Variants in GPRC5B observed in about 807,000 individuals in gnomAD.
The protein encoded by GPRC5B is G protein-coupled receptor class C group 5 member B.
In GPRC5B, 16 loss-of-function variants were observed where a neutral mutation model predicts 30.1. The observed-to-expected ratio is 0.53, with a 90% confidence interval of 0.36 to 0.81. The LOEUF (loss-of-function observed/expected upper bound fraction) is 0.81. Among genes scored for constraint, GPRC5B ranks in the 30% least tolerant of loss-of-function variants. The pLI, the probability that GPRC5B is intolerant of heterozygous loss-of-function variation, is 0.01. For missense variants in GPRC5B, 428 were observed against 544.7 expected (o/e 0.79, Z 2.13); for synonymous variants, 241 against 239.5 (o/e 1.01, Z -0.06).
chr16:19,872,791 G>A lies in GPRC5B; in HGVS notation c.55C>T (p.Leu19=). 2 of 1,613,874 alleles carry A rather than the reference G, an allele frequency of 1.2e-6. No individual in the cohort carries two copies. The highest frequency in any genetic ancestry group is 1.7e-6 in the Non-Finnish European group (2 of 1,179,948). Residue 19 remains leucine (L), a synonymous_variant, in exon 2 of 4, where the codon CTG becomes TTG. Coordinates refer to ENST00000300571, the MANE Select transcript of GPRC5B (RefSeq NM_016235.3). This position sits in a 1 kb window ranked among gnomAD's most constrained non-coding sequence, Gnocchi z 5.0. ...GCCACCGAGGTGATCACGAAGAGCA[G>A]GAGGAAGGTGAGCACCTGGTGAGCT... The part of the protein sequence containing the change: ...MRAHQVLTFL[L]LFVITSVASE...
At chr16:19,883,426 G>A (rs1431023473) in intron 1 of GPRC5B, among the ~76,000 whole-genome samples, 2 of 152,198 alleles carry the variant, frequency 1.3e-5, no homozygotes. Context: ...ATGCCAATTT[G>A]CATTCTATTT....
At chr16:19,867,806 CT>C (rs35848601) in intron 2 of GPRC5B, among the ~76,000 whole-genome samples, 35,818 of 152,110 alleles carry the variant, frequency 0.24, 4,293 homozygotes, top group East Asian at 0.32. Context: ...AATCCCAGCA[CT>C]TTGGGAGGCT....
intron 3 of GPRC5B, among the ~76,000 whole-genome samples, 160 bp downstream of exon 3, chr16:19,861,677 G>A (rs952484204): frequency 6.6e-6 from 1 of 152,214 alleles, no homozygotes; most frequent in African/African-American, 2.4e-5. Flanking sequence ...GGGGTAGAAA[G>A]GGAAAGAAGA....
At position 19,884,838 on chromosome 16, in the gene GPRC5B, T is replaced by TTCACTGCAGCGCCTGCCAGAG. The variant is rs1371145185; in HGVS notation, c.-114_-113insCTCTGGCAGGCGCTGCAGTGA. On this transcript the variant is annotated 5_prime_UTR_variant, in exon 1 of 4. Transcript: ENST00000300571. ...ACGCACGCCCGCCTGCGGGTCCAGC[T>TTCACTGCAGCGCCTGCCAGAG]TCACTGCAGCGCCTGCCAGAGTCGC... is the stretch of plus-strand genomic sequence containing the variant. 36 of 983,150 alleles carry TTCACTGCAGCGCCTGCCAGAG rather than the reference T, an allele frequency of 3.7e-5. No homozygotes were observed. The highest frequency in any genetic ancestry group is 6.2e-5 in the Admixed American group (1 of 16,030). 60.9% of individuals were successfully genotyped at this position (983,150 alleles called of 1,614,324 possible). A position where few individuals can be genotyped will look rare whatever the true frequency, so the allele number is the denominator to read the frequency against.
chr16:19,862,269 C>T lies in GPRC5B; in HGVS notation c.1031-296G>A, dbSNP rs111457555. Reference sequence around the variant, plus strand: ...CAAGCCACGCAGCCTCTGCAGGCCGCGGGTGACAGGCGCCTTCTCACTACA... The same window carrying T: ...CAAGCCACGCAGCCTCTGCAGGCCGTGGGTGACAGGCGCCTTCTCACTACA... On this transcript the variant is annotated intron_variant, in intron 2 of 3. Coordinates refer to ENST00000300571, the MANE Select transcript of GPRC5B (RefSeq NM_016235.3). The T allele has an allele frequency of 5.3e-5, 19 of 358,698 alleles. 1 individual carries two copies. Among genetic ancestry groups the T allele is most frequent in the Middle Eastern group, 8.1e-4 (1 of 1,232 alleles). 22.2% of individuals were successfully genotyped at this position (358,698 alleles called of 1,614,324 possible).
In GPRC5B at chr16:19,857,830, C is replaced by G. The variant is rs2056581928; in HGVS notation, c.*2670G>C. On this transcript the variant is annotated 3_prime_UTR_variant, in exon 4 of 4. Coordinates refer to ENST00000300571, the MANE Select transcript of GPRC5B (RefSeq NM_016235.3). Reference sequence around the variant, plus strand: ...CTGGAATCCCTGGAGATGCACAGAACTTCCCAGTTTGTAAGCTGTCAGAGC... The same window carrying G: ...CTGGAATCCCTGGAGATGCACAGAAGTTCCCAGTTTGTAAGCTGTCAGAGC... 6.5e-6 allele frequency: 1 copy of G among 153,486 alleles called. No homozygotes were observed. Among genetic ancestry groups the G allele is most frequent in the Admixed American group, 6.6e-5 (1 of 15,238 alleles). The allele number at this position is 153,486 out of a possible 1,614,324, so 9.5% of individuals were successfully genotyped here.
chr16:19,884,425 C>T (rs1467058623), intron 1 of GPRC5B, among the ~76,000 whole-genome samples: 2 of 151,418 alleles, frequency 1.3e-5, no homozygotes, highest in African/African-American at 4.9e-5. Context: ...CCTGTGGTCG[C>T]CCCCACACCC....
Position 19,858,619 on chromosome 16 carries a change from C to A in GPRC5B, c.*1881G>T. ...AGGTGTTTGAAGATTTCTTTCTTTT[C>A]AGAATACCGGGTCCGCATGCAACCG... On this transcript the variant is annotated 3_prime_UTR_variant, in exon 4 of 4. Coordinates refer to ENST00000300571, the MANE Select transcript of GPRC5B (RefSeq NM_016235.3). 1.7e-6 allele frequency: 1 copy of A among 580,388 alleles called. No individual in the cohort carries two copies. The highest frequency in any genetic ancestry group is 2.1e-5 in the South Asian group (1 of 47,164). 36.0% of individuals were successfully genotyped at this position (580,388 alleles called of 1,614,324 possible). A position where few individuals can be genotyped will look rare whatever the true frequency, so the allele number is the denominator to read the frequency against.
At chr16:19,882,171 T>TC (rs1181514754) in intron 1 of GPRC5B, 4 of 152,280 alleles carry the variant, frequency 2.6e-5, no homozygotes, top group Non-Finnish European at 4.4e-5. Flanking sequence ...CTCATCATCT[T>TC]CATTTCCCAA....
At chr16:19,885,037 C>G (rs781518435), upstream of GPRC5B, 19 of 627,508 alleles carry the variant, frequency 3.0e-5, no homozygotes, top group Non-Finnish European at 3.9e-5. The surrounding 1 kb of genome is among the most constrained non-coding windows in gnomAD (Gnocchi z 5.3). Flanking sequence ...AGCCCAAGCT[C>G]GTAGCTTCTA....
At chr16:19,861,087 TAAAAAAAA>T (rs3067833) in intron 3 of GPRC5B, among the ~76,000 whole-genome samples, 9 of 93,404 alleles carry the variant, frequency 9.6e-5, no homozygotes, top group Non-Finnish European at 1.4e-4. Context: ...CTGATTTACA[TAAAAAAAA>T]AAAAAAAAAG....
chr16:19,858,933 G>A lies in GPRC5B; in HGVS notation c.*1567C>T. 1 of 184,916 alleles carries A rather than the reference G, an allele frequency of 5.4e-6. No homozygotes were observed. 11.5% of individuals were successfully genotyped at this position (184,916 alleles called of 1,614,324 possible). ...CCTTACTTTCCCCAGTGCTTTGCAA[G>A]GATGGGGTGGGGAGGGGAGACAGCA... On this transcript the variant is annotated 3_prime_UTR_variant, in exon 4 of 4. Transcript: ENST00000300571.
rs1012568837 is a variant in GPRC5B, at chr16:19,872,445, G to A, written c.401C>T (p.Ala134Val). 2.1e-5 allele frequency: 34 copies of A among 1,613,954 alleles called. No homozygotes were observed. The highest frequency in any genetic ancestry group is 5.0e-5 in the Admixed American group (3 of 60,006). ...GCTCAGCAGGCAGGAGAAGCAGAGC[G>A]CAAAGAGGACGCCCCAGAGGAAGCG... is the stretch of plus-strand genomic sequence containing the variant. Reference protein sequence around the residue: ...VRRFLWGVLFALCFSCLLSQA... With the variant: ...VRRFLWGVLFVLCFSCLLSQA... The change falls in exon 2 of 4, where the codon GCG becomes GTG. Residue 134 changes from alanine (A) to valine (V), a missense_variant. Physicochemically the swap from Ala to Val is moderately conservative, Grantham distance 64. Transcript: ENST00000300571. The surrounding 1 kb of genome is among the most constrained non-coding windows in gnomAD (Gnocchi z 5.0).
At chr16:19,881,092 A>T (rs1463619728) in intron 1 of GPRC5B, 1 of 152,224 alleles carries the variant, frequency 6.6e-6, no homozygotes, top group African/African-American at 2.4e-5. Flanking sequence ...TACCCACATG[A>T]ATACGGGTAC....
Position 19,860,355 on chromosome 16 carries a change from G to A in GPRC5B, c.*145C>T, listed in dbSNP as rs1186062072. 1.1e-5 allele frequency: 7 copies of A among 622,238 alleles called. No homozygotes were observed. The highest frequency in any genetic ancestry group is 3.7e-5 in the African/African-American group (2 of 54,332). 38.5% of individuals were successfully genotyped at this position (622,238 alleles called of 1,614,324 possible). On this transcript the variant is annotated 3_prime_UTR_variant, in exon 4 of 4. Transcript: ENST00000300571. ...AGTTCGTCAGTGTTCACATTTACAC[G>A]AAATCCCCTTGGCTAGGATTTCCAA...
intron 2 of GPRC5B, among the ~76,000 whole-genome samples, chr16:19,862,660 C>T (rs908096328): frequency 2.0e-5 from 3 of 152,086 alleles, no homozygotes; most frequent in Non-Finnish European, 4.4e-5. Flanking sequence ...GCCTGTAATC[C>T]CTAATCCTAG....
chr16:19,856,741 T>G lies in GPRC5B; in HGVS notation c.*3759A>C. 1 of 567,626 alleles carries G rather than the reference T, an allele frequency of 1.8e-6. No homozygotes were observed. The highest frequency in any genetic ancestry group is 2.4e-5 in the South Asian group (1 of 42,524). 35.2% of individuals were successfully genotyped at this position (567,626 alleles called of 1,614,324 possible). A position where few individuals can be genotyped will look rare whatever the true frequency, so the allele number is the denominator to read the frequency against. On this transcript the variant is annotated 3_prime_UTR_variant, in exon 4 of 4. Transcript: ENST00000300571. Reference sequence around the variant, plus strand: ...AATAGTTTAGAAAAGAAAGGACCAGTCTTCACTTTCTGCATTATCCCCACA... The same window carrying G: ...AATAGTTTAGAAAAGAAAGGACCAGGCTTCACTTTCTGCATTATCCCCACA...
chr16:19,870,401 G>T (rs904661632), intron 2 of GPRC5B, among the ~76,000 whole-genome samples: 2 of 152,150 alleles, frequency 1.3e-5, no homozygotes, highest in Non-Finnish European at 2.9e-5. Flanking sequence ...AACATACCAG[G>T]TACCAAGAGG....
rs182863834 is a variant in GPRC5B at position 19,872,444 on chromosome 16, C to A, written c.402G>T (p.Ala134=). The A allele has an allele frequency of 1.9e-6, 3 of 1,613,818 alleles. No individual in the cohort carries two copies. The highest frequency in any genetic ancestry group is 1.3e-5 in the African/African-American group (1 of 74,932). Residue 134 remains alanine, a synonymous_variant, in exon 2 of 4, where the codon GCG becomes GCT. Transcript: ENST00000300571. This position sits in a 1 kb window ranked among gnomAD's most constrained non-coding sequence, Gnocchi z 5.0. ...VRRFLWGVLF[A]LCFSCLLSQA... ...GGCTCAGCAGGCAGGAGAAGCAGAG[C>A]GCAAAGAGGACGCCCCAGAGGAAGC...
Sources: allele counts gnomAD v4.1 joint callset (sites outside exome capture counted in the v4.1 genomes callset), GRCh38; gene constraint gnomAD v4.1.1; non-coding constraint Gnocchi (gnomAD v3.1); transcripts MANE v1.5; gene names NCBI Gene and HGNC (gene_info 2026-07-23, HGNC 2026-07-21).